RBM25: variants seen among roughly 807,000 people sequenced by gnomAD.
RBM25 encodes RNA-binding protein 25.
In RBM25, 19 loss-of-function variants were observed where a neutral mutation model predicts 120.7. That is an observed-to-expected ratio of 0.16 (90% CI 0.11 to 0.23). The LOEUF is 0.23. RBM25 is among the 10% of genes least tolerant of loss of function. RBM25 has a pLI of 1.00. For missense variants in RBM25, 605 were observed against 1,041.5 expected, an observed-to-expected ratio of 0.58 and a Z score of 5.77; for synonymous variants, 390 against 326.7, an observed-to-expected ratio of 1.19 and a Z score of -2.09.
intron 9 of RBM25, chr14:73,101,375 T>A (rs924449782): frequency 6.6e-6 from 1 of 152,104 alleles, no homozygotes; most frequent in African/African-American, 2.4e-5. Flanking sequence ...AAGGTAAGAT[T>A]TATGATTTTT....
At position 73,109,177 on chromosome 14, in the gene RBM25, T is replaced by C. The variant is rs925963832; in HGVS notation, c.1542-165T>C. On this transcript the variant is annotated intron_variant, in intron 13 of 18. Transcript: ENST00000261973. ...ATAATGCTTGTTATACATTTACATGTAGAGAGCACACTCTGGTGTGTTCCG... is the reference window on the plus strand; with the variant it reads ...ATAATGCTTGTTATACATTTACATGCAGAGAGCACACTCTGGTGTGTTCCG... 1.3e-5 allele frequency: 8 copies of C among 635,484 alleles called. No individual in the cohort carries two copies. The Admixed American group carries it at 1.7e-4, about 13-fold the overall frequency. 39.4% of individuals were successfully genotyped at this position (635,484 alleles called of 1,614,324 possible). A position where few individuals can be genotyped will look rare whatever the true frequency, so the allele number is the denominator to read the frequency against.
chr14:73,066,945 T>G (rs1028445681), intron 1 of RBM25, among the ~76,000 whole-genome samples: 2 of 152,164 alleles, frequency 1.3e-5, no homozygotes, highest in Non-Finnish European at 2.9e-5. Context: ...ATTTTGACAC[T>G]GATCTATTCT....
intron 18 of RBM25, among the ~76,000 whole-genome samples, chr14:73,117,027 T>G (rs546815702): frequency 5.9e-5 from 9 of 152,206 alleles, no homozygotes; most frequent in Non-Finnish European, 8.8e-5. Context: ...AAATGAAGTT[T>G]GGTTGCATTT....
At position 73,103,428 on chromosome 14, in the gene RBM25, C is replaced by G; in HGVS notation, c.1104C>G (p.Asp368Glu). The G allele has an allele frequency of 1.2e-6, 2 of 1,613,144 alleles. No individual in the cohort carries two copies. The highest frequency in any genetic ancestry group is 1.7e-6 in the Non-Finnish European group (2 of 1,179,698). Reference protein sequence around the residue: ...DRDRDRERDRDRDRERSSDRN... With the variant: ...DRDRDRERDRERDRERSSDRN... Reference sequence around the variant, plus strand: ...ATCGGGATCGAGAGAGAGATCGTGACCGGGATAGAGAAAGGAGCTCAGATC... The same window carrying G: ...ATCGGGATCGAGAGAGAGATCGTGAGCGGGATAGAGAAAGGAGCTCAGATC... Residue 368 changes from aspartate (D) to glutamate (E), a missense_variant, in exon 10 of 19, where the codon GAC becomes GAG. By Grantham distance (45) the Asp-to-Glu change is conservative. Transcript: ENST00000261973.
chr14:73,074,438 T>C (rs1466055640), intron 2 of RBM25, among the ~76,000 whole-genome samples: 2 of 151,962 alleles, frequency 1.3e-5, no homozygotes, highest in South Asian at 2.1e-4. Context: ...GCCCGAGTGT[T>C]CTAGAAGTTA....
intron 17 of RBM25, 119 bp from the exon 18 acceptor site, chr14:73,114,167 A>G (rs1300920194): frequency 5.8e-6 from 4 of 693,974 alleles, no homozygotes; most frequent in African/African-American, 1.9e-5. Flanking sequence ...CATTTATAGA[A>G]TGGTTCCTTA....
intron 6 of RBM25, among the ~76,000 whole-genome samples, chr14:73,094,396 A>G (rs1895888529): frequency 2.6e-5 from 4 of 152,004 alleles, no homozygotes; most frequent in Admixed American, 2.6e-4. Context: ...AGCCATATTG[A>G]TATTTAAATT....
intron 18 of RBM25, among the ~76,000 whole-genome samples, chr14:73,118,376 G>GCAT (rs201686695): frequency 0.013 from 1,917 of 152,026 alleles, 58 homozygotes; most frequent in Non-Finnish European, 0.011. Flanking sequence ...TACTGGTGAG[G>GCAT]CTGATGTGGG....
At chr14:73,093,017 T>C (rs1385488347) in intron 6 of RBM25, among the ~76,000 whole-genome samples, 1 of 152,216 alleles carries the variant, frequency 6.6e-6, no homozygotes, top group Non-Finnish European at 1.5e-5. Context: ...AAGTATTCCA[T>C]GTGAGGTGGC....
chr14:73,072,013 C>T (rs902249434), intron 2 of RBM25, among the ~76,000 whole-genome samples: 14 of 151,470 alleles, frequency 9.2e-5, no homozygotes, highest in African/African-American at 3.4e-4. Context: ...TGCTCTGTCA[C>T]ACTGGCTGGA....
At chr14:73,069,016 G>T (rs1439487344) in intron 1 of RBM25, among the ~76,000 whole-genome samples, 1 of 152,032 alleles carries the variant, frequency 6.6e-6, no homozygotes, top group Non-Finnish European at 1.5e-5. Flanking sequence ...TGATTCTCTT[G>T]CCTCAGCCTC....
intron 5 of RBM25, among the ~76,000 whole-genome samples, chr14:73,087,491 G>A (rs1895714519): frequency 6.6e-6 from 1 of 151,936 alleles, no homozygotes; most frequent in Admixed American, 6.6e-5. Context: ...CGCCTCCTGG[G>A]TTCACGCCAT....
Position 73,123,062 on chromosome 14 carries a change from A to C in RBM25, c.*3257A>C, listed in dbSNP as rs1896563949. 1 of 152,064 alleles carries C rather than the reference A, an allele frequency of 6.6e-6. No homozygotes were observed. The highest frequency in any genetic ancestry group is 6.6e-5 in the Admixed American group (1 of 15,244). 9.4% of individuals were successfully genotyped at this position (152,064 alleles called of 1,614,324 possible). ...GGCTTTTTTTCCATCCAGCCCTGAAAATTTTTTCTGTAGATAACTTTATGT... is the reference window on the plus strand; with the variant it reads ...GGCTTTTTTTCCATCCAGCCCTGAACATTTTTTCTGTAGATAACTTTATGT... On this transcript the variant is annotated 3_prime_UTR_variant, in exon 19 of 19. Coordinates refer to ENST00000261973, the MANE Select transcript of RBM25 (RefSeq NM_021239.3).
Position 73,110,999 on chromosome 14 carries a change from A to G in RBM25, c.1861A>G (p.Ser621Gly), listed in dbSNP as rs1795933855. Residue 621 changes from serine to glycine, a missense_variant, in exon 15 of 19, where the codon AGC becomes GGC. Around this residue, in one of 4 missense-constraint regions of RBM25, gnomAD observed 465 missense variants for 741.6 expected, o/e 0.63. Transcript: ENST00000261973. The stretch of plus-strand genomic sequence containing the variant: ...TCTGAAACCTACTCTGAGGCCCATC[A>G]GCTCTGCTCCATCTGTTTCCTCTGC... The part of the protein sequence containing the change: ...PCLKPTLRPI[S>G]SAPSVSSASG... 3 of 1,614,028 alleles carry G rather than the reference A, an allele frequency of 1.9e-6. No homozygotes were observed. The highest frequency in any genetic ancestry group is 2.5e-6 in the Non-Finnish European group (3 of 1,179,998).
Position 73,111,540 on chromosome 14 carries a change from G to A in RBM25, c.2030G>A (p.Ser677Asn). Reference sequence around the variant, plus strand: ...GTTTTTACTGTAGGTGCTTCCAATAGTCCTGGTCAGCCTAATTCTGTGAAG... The same window carrying A: ...GTTTTTACTGTAGGTGCTTCCAATAATCCTGGTCAGCCTAATTCTGTGAAG... Reference protein sequence around the residue: ...GLSLKLGASNSPGQPNSVKRK... With the variant: ...GLSLKLGASNNPGQPNSVKRK... Residue 677 changes from serine to asparagine, a missense_variant, in exon 16 of 19, where the codon AGT becomes AAT. Coordinates refer to ENST00000261973, the MANE Select transcript of RBM25 (RefSeq NM_021239.3). 2.5e-6 allele frequency: 4 copies of A among 1,605,286 alleles called. No individual in the cohort carries two copies. Among genetic ancestry groups the A allele is most frequent in the Non-Finnish European group, 3.4e-6 (4 of 1,177,050 alleles).
At chr14:73,084,537 GTTTGT>G (rs201871856) in intron 5 of RBM25, among the ~76,000 whole-genome samples, 1 of 151,848 alleles carries the variant, frequency 6.6e-6, no homozygotes, top group African/African-American at 2.4e-5. Context: ...CTGTGTGGTG[GTTTGT>G]TTTGTTTTGT....
chr14:73,094,985 T>C (rs1309834590), intron 6 of RBM25, among the ~76,000 whole-genome samples: 2 of 151,842 alleles, frequency 1.3e-5, no homozygotes, highest in Non-Finnish European at 2.9e-5. Context: ...GCCTCCTGAA[T>C]AGCTGAGATT....
chr14:73,116,289 G>T (rs1321638465), intron 18 of RBM25, among the ~76,000 whole-genome samples: 1 of 152,166 alleles, frequency 6.6e-6, no homozygotes, highest in Non-Finnish European at 1.5e-5. Context: ...ATGGGAAGAT[G>T]AGTAAGGAAG....
chr14:73,095,570 G>T (rs989360624), intron 6 of RBM25, among the ~76,000 whole-genome samples: 12 of 151,146 alleles, frequency 7.9e-5, no homozygotes, highest in Non-Finnish European at 1.8e-4. Flanking sequence ...TCACGCCACT[G>T]CATTCCAGCC....
Sources: gnomAD v4.1 joint callset for allele counts (sites outside exome capture counted in the v4.1 genomes callset) on GRCh38, gnomAD v4.1.1 for gene constraint, gnomAD v4.1.1 regional missense constraint, MANE v1.5 for transcripts, NCBI Gene and HGNC (gene_info 2026-07-23, HGNC 2026-07-21) for gene names.